Variants in FRMPD4 observed in about 807,000 individuals in gnomAD.
The protein encoded by FRMPD4 is FERM and PDZ domain containing 4.
Under a neutral mutation model 94.1 loss-of-function variants are expected in FRMPD4, and 22 were observed. That is an observed-to-expected ratio of 0.23 (90% confidence interval 0.17 to 0.33). FRMPD4 has a LOEUF of 0.33. FRMPD4 is among the 10% of genes least tolerant of loss of function. The pLI, the probability that FRMPD4 is intolerant of heterozygous loss-of-function variation, is 1.00. For missense variants in FRMPD4, 1,111 were observed against 1,339.9 expected (o/e 0.83, Z 2.67); for synonymous variants, 631 against 548.6 (o/e 1.15, Z -2.10).
In FRMPD4 at chrX:12,058,603, T is replaced by C. The variant is rs898670500; in HGVS notation, c.95+180585T>C. The stretch of plus-strand genomic sequence containing the variant: ...ATACACACAAGTGTGCAAGTGTTTC[T>C]TATTTACGATGAAACAAAAGGTGAT... On this transcript the variant is annotated intron_variant, in intron 3 of 18. Coordinates refer to the FRMPD4 transcript ENST00000640291. 1.2e-4 allele frequency among the ~76,000 whole-genome samples: 13 copies of C among 111,718 alleles called. 1 individual carries two copies. The highest frequency in any genetic ancestry group is 4.2e-4 in the African/African-American group (13 of 30,847).
chrX:12,287,900 C>T (rs1027545295), intron 1 of FRMPD4, among the ~76,000 whole-genome samples: 2 of 111,925 alleles, frequency 1.8e-5, no homozygotes, highest in African/African-American at 6.5e-5. Flanking sequence ...CATATTGAGA[C>T]ATTTGGGTGT....
rs138184768 is a variant in FRMPD4, at chrX:12,385,767, T to C, written c.42-112913T>C. On this transcript the variant is annotated intron_variant, in intron 1 of 16. Transcript: ENST00000675598. ...AGAATCAAAGAGTTTCTAAGAATAA[T>C]TTAGATTGTCACTGAGCAAAATGGT... 2.7e-5 allele frequency among the ~76,000 whole-genome samples: 3 copies of C among 112,335 alleles called. No homozygotes were observed. The East Asian group carries it at 8.3e-4, about 31-fold the overall frequency.
intron 3 of FRMPD4, among the ~76,000 whole-genome samples, chrX:12,018,793 C>T (rs2054617900): frequency 8.9e-6 from 1 of 111,897 alleles, no homozygotes; most frequent in Non-Finnish European, 1.9e-5. Flanking sequence ...AATTTGATTA[C>T]ATCTGCAAAG....
At chrX:12,584,282 T>C (rs1194383477) in intron 2 of FRMPD4, among the ~76,000 whole-genome samples, 1 of 111,888 alleles carries the variant, frequency 8.9e-6, no homozygotes, top group Non-Finnish European at 1.9e-5. Context: ...TAGTTGAGAG[T>C]GTGATTTCAC....
intron 4 of FRMPD4, among the ~76,000 whole-genome samples, chrX:12,662,365 C>T (rs938963176): frequency 7.3e-5 from 8 of 109,525 alleles, no homozygotes; most frequent in Admixed American, 3.9e-4. Context: ...CCCCACCCCC[C>T]GACAGGGCCC....
At chrX:12,524,990 A>ATTAGTGT (rs1479551156) in intron 2 of FRMPD4, among the ~76,000 whole-genome samples, 1 of 111,424 alleles carries the variant, frequency 9.0e-6, no homozygotes, top group Non-Finnish European at 1.9e-5. Context: ...ATCAGGTATC[A>ATTAGTGT]TTAGTGTTAG....
intron 1 of FRMPD4, among the ~76,000 whole-genome samples, chrX:12,192,878 G>T (rs924206693): frequency 8.9e-6 from 1 of 111,817 alleles, no homozygotes; most frequent in African/African-American, 3.2e-5. Context: ...GTAGGAGAAA[G>T]TCCATGTAGA....
intron 1 of FRMPD4, among the ~76,000 whole-genome samples, chrX:12,427,897 CTTTTTTTTTTTTTTTTTTTTT>C (rs139267482): frequency 1.8e-5 from 1 of 54,771 alleles, no homozygotes; most frequent in Admixed American, 2.9e-4. Context: ...CCTTTTTTCT[CTTTTTTTTTTTTTTTTTTTTT>C]TTTTTTTTTG....
intron 3 of FRMPD4, among the ~76,000 whole-genome samples, chrX:11,923,895 A>G (rs760579703): frequency 3.0e-3 from 343 of 112,495 alleles, no homozygotes; most frequent in Non-Finnish European, 5.5e-3. Context: ...CTAAATGACC[A>G]CATCACCTTT....
chrX:12,614,971 GGGACAATTTAGGAT>G, intron 4 of FRMPD4, 90 bp downstream of exon 4: 1 of 448,268 alleles, frequency 2.2e-6, no homozygotes, highest in Middle Eastern at 5.2e-4. Context: ...AGCCTCCTGT[GGGACAATTTAGGAT>G]GGAAATGCAA....
At chrX:12,651,496 CATT>C (rs1444766825) in intron 4 of FRMPD4, among the ~76,000 whole-genome samples, 2 of 110,019 alleles carry the variant, frequency 1.8e-5, no homozygotes, top group African/African-American at 3.3e-5. Flanking sequence ...TTATTATTAA[CATT>C]ATTATTATTT....
At chrX:11,891,994 C>A (rs2053876803) in intron 3 of FRMPD4, among the ~76,000 whole-genome samples, 1 of 112,074 alleles carries the variant, frequency 8.9e-6, no homozygotes, top group Admixed American at 9.4e-5. Context: ...TCCTAACAGT[C>A]ATTTTGTGCT....
intron 1 of FRMPD4, among the ~76,000 whole-genome samples, chrX:12,276,916 T>A (rs768729657): frequency 6.4e-5 from 7 of 109,775 alleles, no homozygotes; most frequent in African/African-American, 2.3e-4. Flanking sequence ...GGTCAGGAGA[T>A]CGAGACCATC....
At chrX:12,125,873 G>A (rs1248512406) in intron 3 of FRMPD4, among the ~76,000 whole-genome samples, 1 of 111,593 alleles carries the variant, frequency 9.0e-6, no homozygotes, top group East Asian at 2.8e-4. Flanking sequence ...TCACTGAATG[G>A]CCCTGAAGAA....
At chrX:12,626,462 C>T (rs2059347799) in intron 4 of FRMPD4, among the ~76,000 whole-genome samples, 1 of 107,267 alleles carries the variant, frequency 9.3e-6, no homozygotes, top group Non-Finnish European at 1.9e-5. Context: ...AGAGCCAATA[C>T]AACTATCAGC....
rs776269849 is a variant in FRMPD4, at chrX:12,161,221, C to T, written c.41+22209C>T. ...TTACCGAGGCTAGAGTGCAGTGGCA[C>T]GATCTTAGCTCACTGCAACCTCCAC... On this transcript the variant is annotated intron_variant, in intron 1 of 16. Coordinates refer to ENST00000675598, the MANE Select transcript of FRMPD4 (RefSeq NM_001368397.1). 1.3e-4 allele frequency among the ~76,000 whole-genome samples: 14 copies of T among 109,960 alleles called. No homozygotes were observed. In the South Asian group the frequency reaches 3.5e-3, roughly 28 times the overall value.
intron 1 of FRMPD4, among the ~76,000 whole-genome samples, chrX:12,247,397 T>A (rs1362450894): frequency 9.0e-6 from 1 of 111,380 alleles, no homozygotes. Flanking sequence ...CCAAGTTCCA[T>A]CCTCGGGAGT....
chrX:12,156,188 C>T (rs1257017434), intron 1 of FRMPD4, among the ~76,000 whole-genome samples: 1 of 111,538 alleles, frequency 9.0e-6, no homozygotes, highest in Non-Finnish European at 1.9e-5. Context: ...AACAGTTTTA[C>T]ATTATGAAAA....
chrX:11,945,569 G>T (rs1404793636), intron 3 of FRMPD4, among the ~76,000 whole-genome samples: 1 of 111,762 alleles, frequency 8.9e-6, no homozygotes, highest in Non-Finnish European at 1.9e-5. Flanking sequence ...CAGTTTTGCA[G>T]GTTATACAAG....
Sources: gnomAD v4.1 joint callset for allele counts (sites outside exome capture counted in the v4.1 genomes callset) on GRCh38, gnomAD v4.1.1 for gene constraint, MANE v1.5 for transcripts, NCBI Gene and HGNC (gene_info 2026-07-23, HGNC 2026-07-21) for gene names.